Variants in CMPK1 observed in about 807,000 individuals in gnomAD.
CMPK1 encodes the protein UMP-CMP kinase.
Under a neutral mutation model 25.7 loss-of-function variants are expected in CMPK1, and 10 were observed. The ratio of observed to expected loss-of-function variants is 0.39; its 90% CI spans 0.24 to 0.66. CMPK1 has a LOEUF of 0.66. CMPK1 is among the 30% of genes least tolerant of loss of function. The pLI is 0.48. For synonymous variants in CMPK1, 106 were observed against 101.5 expected (o/e 1.04, Z -0.27); for missense variants, 199 against 280.5 (o/e 0.71, Z 2.08).
chr1:47,370,279 C>G (rs1460071653), intron 2 of CMPK1, among the ~76,000 whole-genome samples: 1 of 151,658 alleles, frequency 6.6e-6, no homozygotes, highest in East Asian at 1.9e-4. Flanking sequence ...ATGGTGTCTA[C>G]TTTTCTGGTG....
At chr1:47,357,107 G>A (rs1646566111) in intron 1 of CMPK1, among the ~76,000 whole-genome samples, 1 of 151,808 alleles carries the variant, frequency 6.6e-6, no homozygotes, top group Non-Finnish European at 1.5e-5. Context: ...GGGACTACAG[G>A]CACCCGCCAC....
chr1:47,370,888 C>T (rs1021010778), intron 2 of CMPK1, among the ~76,000 whole-genome samples: 3 of 151,500 alleles, frequency 2.0e-5, no homozygotes, highest in Non-Finnish European at 2.9e-5. Context: ...GAGGCAGAGG[C>T]GGAGGTTGCA....
intron 1 of CMPK1, among the ~76,000 whole-genome samples, chr1:47,351,045 A>G (rs111364453): frequency 3.9e-5 from 6 of 152,036 alleles, no homozygotes; most frequent in African/African-American, 1.4e-4. Context: ...GATACTTGTC[A>G]TTTTGTGTCT....
intron 1 of CMPK1, among the ~76,000 whole-genome samples, chr1:47,348,214 G>C (rs1017682464): frequency 6.6e-6 from 1 of 152,018 alleles, no homozygotes; most frequent in Admixed American, 6.6e-5. Flanking sequence ...GAAAGGATGG[G>C]GACTCTGCTG....
At chr1:47,358,493 T>C in intron 1 of CMPK1, 1 of 1,108,520 alleles carries the variant, frequency 9.0e-7, no homozygotes, top group Non-Finnish European at 1.1e-6. Flanking sequence ...GCTGTTAGTA[T>C]AGTATAGTAT....
At chr1:47,340,215 G>A (rs907505648) in intron 1 of CMPK1, among the ~76,000 whole-genome samples, 2 of 151,292 alleles carry the variant, frequency 1.3e-5, no homozygotes, top group Admixed American at 1.3e-4. Flanking sequence ...AGCCTCCCAA[G>A]TTGCTAGGTC....
chr1:47,361,117 G>A (rs1324795284), intron 1 of CMPK1, among the ~76,000 whole-genome samples: 3 of 152,138 alleles, frequency 2.0e-5, no homozygotes, highest in African/African-American at 4.8e-5. Flanking sequence ...CTTGTTGGGC[G>A]TGGTGGCTCA....
In CMPK1 at chr1:47,368,579, T is replaced by C; in HGVS notation, c.282T>C (p.Ile94=). 2 of 1,609,476 alleles carry C rather than the reference T, an allele frequency of 1.2e-6. No individual in the cohort carries two copies. The highest frequency in any genetic ancestry group is 1.1e-5 in the South Asian group (1 of 90,076). Residue 94 remains isoleucine (I), a synonymous_variant, in exon 2 of 6, where the codon ATT becomes ATC. Transcript: ENST00000371873. ...AAAAGTACATTAAAGAAGGAAAGATTGTACCAGTTGAGATAACCATCAGTT... is the reference window on the plus strand; with the variant it reads ...AAAAGTACATTAAAGAAGGAAAGATCGTACCAGTTGAGATAACCATCAGTT... The part of the protein sequence containing the change: ...LIEKYIKEGK[I]VPVEITISLL...
At chr1:47,364,316 TG>T (rs1175042800) in intron 1 of CMPK1, among the ~76,000 whole-genome samples, 41 of 151,824 alleles carry the variant, frequency 2.7e-4, no homozygotes, top group African/African-American at 8.9e-4. Context: ...TGTTTTGGTT[TG>T]GTTTTTTTGT....
intron 1 of CMPK1, among the ~76,000 whole-genome samples, chr1:47,352,027 C>T (rs571100343): frequency 2.6e-5 from 4 of 152,164 alleles, no homozygotes; most frequent in Non-Finnish European, 5.9e-5. Context: ...ATCCCAGCTA[C>T]TAGGGAGGCT....
chr1:47,347,728 C>T (rs1345819069), intron 1 of CMPK1, among the ~76,000 whole-genome samples: 1 of 152,120 alleles, frequency 6.6e-6, no homozygotes, highest in Admixed American at 6.5e-5. Context: ...CAGGTTCAAG[C>T]GAATCTCCTG....
In CMPK1 at chr1:47,377,742, C is replaced by G. The variant is rs959350762; in HGVS notation, c.*997C>G. Reference sequence around the variant, plus strand: ...TTAAAAAGATTTAAAAATCATTGCACTTTGGTCAGAAAAATAATAAATATA... The same window carrying G: ...TTAAAAAGATTTAAAAATCATTGCAGTTTGGTCAGAAAAATAATAAATATA... On this transcript the variant is annotated 3_prime_UTR_variant, in exon 6 of 6. Coordinates refer to ENST00000371873, the MANE Select transcript of CMPK1 (RefSeq NM_016308.3). The G allele has an allele frequency of 2.6e-5, 4 of 152,432 alleles. No homozygotes were observed. Among genetic ancestry groups the G allele is most frequent in the African/African-American group, 9.7e-5 (4 of 41,394 alleles). The allele number at this position is 152,432 out of a possible 1,614,324, so 9.4% of individuals were successfully genotyped here. A position where few individuals can be genotyped will look rare whatever the true frequency, so the allele number is the denominator to read the frequency against.
intron 1 of CMPK1, among the ~76,000 whole-genome samples, chr1:47,335,982 C>G (rs1230672510): frequency 1.3e-5 from 2 of 152,004 alleles, no homozygotes; most frequent in Non-Finnish European, 2.9e-5. Context: ...AGGCTGATCT[C>G]GAACTCTTGA....
intron 3 of CMPK1, 65 bp from the exon 4 acceptor site, chr1:47,374,844 C>G: frequency 8.1e-7 from 1 of 1,237,216 alleles, no homozygotes; most frequent in Non-Finnish European, 1.2e-6. Context: ...CTCTTGTTTT[C>G]TTTGCAGGTT....
At chr1:47,344,394 G>T (rs931269456) in intron 1 of CMPK1, among the ~76,000 whole-genome samples, 1 of 152,080 alleles carries the variant, frequency 6.6e-6, no homozygotes, top group African/African-American at 2.4e-5. Context: ...GTGTGAGAGG[G>T]TAAACCGACA....
chr1:47,355,465 C>T (rs1192639682), intron 1 of CMPK1, among the ~76,000 whole-genome samples: 1 of 151,190 alleles, frequency 6.6e-6, no homozygotes, highest in Admixed American at 6.6e-5. Context: ...CAGGCATGCA[C>T]CACTATGCCC....
At chr1:47,347,563 A>G (rs1646494141) in intron 1 of CMPK1, among the ~76,000 whole-genome samples, 1 of 152,222 alleles carries the variant, frequency 6.6e-6, no homozygotes, top group African/African-American at 2.4e-5. Context: ...CCATAAAATC[A>G]GCCTCACAAA....
chr1:47,358,981 C>G (rs778375288), intron 1 of CMPK1: 2 of 969,574 alleles, frequency 2.1e-6, no homozygotes, highest in Non-Finnish European at 1.2e-6. Context: ...ATTCCTTAGG[C>G]AAATGATATT....
Position 47,368,499 on chromosome 1 carries a change from G to A in CMPK1, c.202G>A (p.Glu68Lys). The change falls in exon 2 of 6, where the codon GAG becomes AAG. Residue 68 changes from glutamate to lysine, a missense_variant. Coordinates refer to ENST00000371873, the MANE Select transcript of CMPK1 (RefSeq NM_016308.3). The stretch of plus-strand genomic sequence containing the variant: ...TGGCTACACACACCTTTCTGCAGGA[G>A]AGCTGCTTCGTGATGAAAGGAAGAA... Reference protein sequence around the residue: ...KYGYTHLSAGELLRDERKNPD... With the variant: ...KYGYTHLSAGKLLRDERKNPD... The A allele has an allele frequency of 1.2e-6, 2 of 1,613,070 alleles. No individual in the cohort carries two copies. The highest frequency in any genetic ancestry group is 1.7e-6 in the Non-Finnish European group (2 of 1,179,514).
Sources: allele counts gnomAD v4.1 joint callset (sites outside exome capture counted in the v4.1 genomes callset), GRCh38; gene constraint gnomAD v4.1.1; transcripts MANE v1.5; gene names NCBI Gene and HGNC (gene_info 2026-07-23, HGNC 2026-07-21).